NBAS: variants seen among roughly 807,000 people sequenced by gnomAD.
The protein encoded by NBAS is NAG/BC035112 fusion.
Under a neutral mutation model 302.5 loss-of-function variants are expected in NBAS, and 219 were observed. That is an observed-to-expected ratio of 0.72 (90% CI 0.65 to 0.81). The LOEUF (loss-of-function observed/expected upper bound fraction) is 0.81, where lower values mean the gene tolerates loss of function less well. Ranked by LOEUF, NBAS falls within the 30% of genes least tolerant of loss-of-function variation. The probability of loss-of-function intolerance (pLI) is 0.00; values close to 1 mark genes in which losing one functional copy is unlikely to be tolerated. For synonymous variants in NBAS, 1,118 were observed against 1,021.6 expected (o/e 1.09, Z -1.80); for missense variants, 2,932 against 2,841.6 (o/e 1.03, Z -0.72).
intron 44 of NBAS, among the ~76,000 whole-genome samples, chr2:15,264,440 C>T (rs1668983587): frequency 6.6e-6 from 1 of 152,138 alleles, no homozygotes; most frequent in Admixed American, 6.5e-5. Context: ...TATGATTGTA[C>T]TGCGTACATG....
chr2:15,317,506 A>G (rs1671568456), intron 38 of NBAS, among the ~76,000 whole-genome samples: 1 of 152,204 alleles, frequency 6.6e-6, no homozygotes, highest in Non-Finnish European at 1.5e-5. Context: ...ATCTTGAAAA[A>G]GGGTTAGACG....
intron 36 of NBAS, among the ~76,000 whole-genome samples, chr2:15,329,974 T>C (rs1389931427): frequency 1.3e-5 from 2 of 152,192 alleles, no homozygotes; most frequent in Non-Finnish European, 2.9e-5. Context: ...AGAAGGGAAT[T>C]AGACTGAAGT....
intron 35 of NBAS, among the ~76,000 whole-genome samples, chr2:15,347,527 T>A (rs1558258138): frequency 6.6e-6 from 1 of 152,368 alleles, no homozygotes; most frequent in East Asian, 1.9e-4. Context: ...GCTCTATACT[T>A]AGCCCATGCT....
chr2:15,322,641 TA>T (rs1440603653), intron 38 of NBAS, among the ~76,000 whole-genome samples: 1 of 152,164 alleles, frequency 6.6e-6, no homozygotes, highest in East Asian at 1.9e-4. Context: ...TCAACTTTAT[TA>T]AAAAGTTCTA....
chr2:15,163,014 G>A (rs1326578390), downstream of NBAS, among the ~76,000 whole-genome samples: 3 of 152,172 alleles, frequency 2.0e-5, no homozygotes, highest in East Asian at 3.8e-4. Flanking sequence ...AAGGTGAGGG[G>A]AAACAACAGA....
the NBAS span, among the ~76,000 whole-genome samples, chr2:15,158,617 G>T: frequency 6.6e-6 from 1 of 152,198 alleles, no homozygotes; most frequent in Non-Finnish European, 1.5e-5. Flanking sequence ...GCTCCTTCTG[G>T]TAGAAGAGCC....
At chr2:15,035,270 ACAATGAGATACC>A in the NBAS span, among the ~76,000 whole-genome samples, 1 of 152,198 alleles carries the variant, frequency 6.6e-6, no homozygotes, top group African/African-American at 2.4e-5. Context: ...AATCAAAACC[ACAATGAGATACC>A]ATCTCAAGCC....
the NBAS span, among the ~76,000 whole-genome samples, chr2:14,837,984 G>C: frequency 1.3e-5 from 2 of 151,828 alleles, no homozygotes; most frequent in Non-Finnish European, 2.9e-5. Context: ...TGTGGTTATA[G>C]AATGCCATGT....
chr2:15,167,106 GT>G lies in NBAS; in HGVS notation c.7057del (p.Thr2353LeufsTer?). ...ACTGAAGGTTCTGAAGGCCTGGTGAGTCCCCCTCACGGCCAGAAGGAGAGAC... is the reference window on the plus strand; with the variant it reads ...ACTGAAGGTTCTGAAGGCCTGGTGAGCCCCCTCACGGCCAGAAGGAGAGAC... ...AGSLLLAVRG[T>X]HQAFRTFSTA... On this transcript the variant is annotated frameshift_variant, in exon 52 of 52. Coordinates refer to ENST00000281513, the MANE Select transcript of NBAS (RefSeq NM_015909.4). LOFTEE classifies it high-confidence loss of function. 6.2e-7 allele frequency: 1 copy of G among 1,613,596 alleles called. No homozygotes were observed. The highest frequency in any genetic ancestry group is 1.1e-5 in the South Asian group (1 of 91,012).
At chr2:15,442,980 A>G (rs548628080) in intron 21 of NBAS, among the ~76,000 whole-genome samples, 48 of 152,290 alleles carry the variant, frequency 3.2e-4, no homozygotes, top group African/African-American at 1.1e-3. Context: ...GAATAGACCA[A>G]TAACAGGAGC....
At chr2:14,865,632 T>C in the NBAS span, among the ~76,000 whole-genome samples, 2 of 152,220 alleles carry the variant, frequency 1.3e-5, no homozygotes, top group Non-Finnish European at 2.9e-5. Flanking sequence ...TATATTAATC[T>C]AATATTGTTT....
chr2:15,249,671 G>T (rs1668271353), intron 44 of NBAS, among the ~76,000 whole-genome samples: 1 of 150,988 alleles, frequency 6.6e-6, no homozygotes, highest in Non-Finnish European at 1.5e-5. Flanking sequence ...CACCAATAAT[G>T]AACACAGAGC....
chr2:15,141,689 T>C, the NBAS span, among the ~76,000 whole-genome samples: 1 of 152,162 alleles, frequency 6.6e-6, no homozygotes, highest in Non-Finnish European at 1.5e-5. Context: ...AATTTTGTTT[T>C]GTTTTGTTTT....
intron 28 of NBAS, among the ~76,000 whole-genome samples, chr2:15,386,568 T>C (rs1346805075): frequency 6.6e-6 from 1 of 152,168 alleles, no homozygotes; most frequent in Admixed American, 6.5e-5. Flanking sequence ...AACTGTCCCA[T>C]ACACACATGG....
At chr2:15,433,361 C>T (rs1677853702) in intron 21 of NBAS, among the ~76,000 whole-genome samples, 1 of 152,040 alleles carries the variant, frequency 6.6e-6, no homozygotes, top group Non-Finnish European at 1.5e-5. Flanking sequence ...CATAAAGGCC[C>T]TTACAACAGT....
the NBAS span, among the ~76,000 whole-genome samples, chr2:14,833,395 G>A: frequency 2.6e-5 from 4 of 152,070 alleles, no homozygotes; most frequent in Non-Finnish European, 5.9e-5. Context: ...CTTGGACAAT[G>A]TGTATAAATT....
chr2:14,791,708 G>T, the NBAS span, among the ~76,000 whole-genome samples: 3 of 152,028 alleles, frequency 2.0e-5, no homozygotes, highest in Admixed American at 6.6e-5. Context: ...GGAAGCTGAG[G>T]CAGAAGAATC....
the NBAS span, among the ~76,000 whole-genome samples, chr2:14,802,897 G>A: frequency 1.5e-5 from 2 of 134,788 alleles, no homozygotes; most frequent in African/African-American, 5.7e-5. Context: ...GGTGGAGTGG[G>A]GGGAGGGGGG....
At chr2:15,274,379 G>A (rs1283163758) in intron 44 of NBAS, among the ~76,000 whole-genome samples, 1 of 152,134 alleles carries the variant, frequency 6.6e-6, no homozygotes, top group Non-Finnish European at 1.5e-5. Flanking sequence ...TTGCGATAGG[G>A]TACTGGGCAG....
Sources: gnomAD v4.1 joint callset for allele counts (sites outside exome capture counted in the v4.1 genomes callset) on GRCh38, gnomAD v4.1.1 for gene constraint, MANE v1.5 for transcripts, NCBI Gene and HGNC (gene_info 2026-07-23, HGNC 2026-07-21) for gene names.